The following COL16A1 variants were observed in gnomAD, a reference collection of about 807,000 sequenced individuals.
COL16A1 encodes collagen type XVI alpha 1 chain, also known as collagen alpha-1(XVI) chain.
A neutral mutation model predicts 266.3 loss-of-function variants in COL16A1; 189 were observed. The ratio of observed to expected loss-of-function variants is 0.71; its 90% confidence interval spans 0.63 to 0.80. The LOEUF (loss-of-function observed/expected upper bound fraction) is 0.80, where lower values mean the gene tolerates loss of function less well. Among genes scored for constraint, COL16A1 ranks in the 30% least tolerant of loss-of-function variants. The pLI is 0.00. For synonymous variants in COL16A1, 740 were observed against 782.3 expected (o/e 0.95, Z 0.90); for missense variants, 1,928 against 2,122.4 (o/e 0.91, Z 1.80).
rs963377508 is a variant in COL16A1 at position 31,670,854 on chromosome 1, G to A, written c.3151-208C>T. ...CAGGAAGAATGGCTCCTCCGTTGAC[G>A]GAGATGCGGAATGGCTCCAGAGTCA... On this transcript the variant is annotated intron_variant, in intron 48 of 70. Coordinates refer to ENST00000373672, the MANE Select transcript of COL16A1 (RefSeq NM_001856.4). The surrounding 1 kb of genome is among the most constrained non-coding windows in gnomAD (Gnocchi z 4.5). 5.9e-5 allele frequency among the ~76,000 whole-genome samples: 9 copies of A among 152,220 alleles called. No individual in the cohort carries two copies. Among genetic ancestry groups the A allele is most frequent in the Admixed American group, 1.3e-4 (2 of 15,288 alleles).
chr1:31,686,394 T>C (rs747086488), intron 26 of COL16A1, 115 bp from the exon 27 acceptor site: 1 of 1,391,918 alleles, frequency 7.2e-7, no homozygotes. Context: ...TACCCTCTCA[T>C]GTCCAGAGAG....
At chr1:31,660,558 GAC>G in intron 62 of COL16A1, 25 bp downstream of exon 62, 1 of 1,613,490 alleles carries the variant, frequency 6.2e-7, no homozygotes, top group South Asian at 1.1e-5. Context: ...CTCTTATGGA[GAC>G]AGAGACAAAA....
intron 42 of COL16A1, among the ~76,000 whole-genome samples, chr1:31,677,623 CT>C (rs1643299580): frequency 6.6e-6 from 1 of 152,230 alleles, no homozygotes; most frequent in African/African-American, 2.4e-5. Context: ...CAGCTTCCTC[CT>C]CTGTGGAATG....
At chr1:31,658,791 A>T in intron 63 of COL16A1, 123 bp downstream of exon 63, 1 of 1,240,570 alleles carries the variant, frequency 8.1e-7, no homozygotes, top group South Asian at 1.3e-5. Context: ...GGAGAGGCTG[A>T]CACCAGGGAA....
At position 31,679,692 on chromosome 1, in the gene COL16A1, G is replaced by A; in HGVS notation, c.2719-7C>T. 1 of 1,614,006 alleles carries A rather than the reference G, an allele frequency of 6.2e-7. No homozygotes were observed. Among genetic ancestry groups the A allele is most frequent in the Non-Finnish European group, 8.5e-7 (1 of 1,179,986 alleles). ...CGGGAATACCTGGTGGACCCTGAGG[G>A]AGAGAGAAAAGAGTCAGAGCCAGCA... On this transcript the variant is annotated splice_region_variant and splice_polypyrimidine_tract_variant and intron_variant, in intron 41 of 70. Coordinates refer to ENST00000373672, the MANE Select transcript of COL16A1 (RefSeq NM_001856.4).
chr1:31,680,900 C>A lies in COL16A1; in HGVS notation c.2610+5G>T, dbSNP rs776227189. The A allele has an allele frequency of 1.2e-6, 2 of 1,614,180 alleles. No homozygotes were observed. Among genetic ancestry groups the A allele is most frequent in the Non-Finnish European group, 1.7e-6 (2 of 1,180,034 alleles). The stretch of plus-strand genomic sequence containing the variant: ...GAATATGGGTCACAGGCCCTTGGAA[C>A]TCACCTTCTCTCCTCGTGGTCCTTT... On this transcript the variant is annotated splice_donor_5th_base_variant and intron_variant, in intron 39 of 70. Transcript: ENST00000373672.
Position 31,683,249 on chromosome 1 carries a change from T to C in COL16A1, c.2416-2A>G. On this transcript the variant is annotated splice_acceptor_variant, in intron 35 of 70. Coordinates refer to ENST00000373672, the MANE Select transcript of COL16A1 (RefSeq NM_001856.4). LOFTEE classifies it high-confidence loss of function. ...TGGTCCCCGAGGTCCCGGAAGTCCC[T>C]GCAGATGGAAGCACAGTTAGTTAAC... is the stretch of plus-strand genomic sequence containing the variant. The C allele has an allele frequency of 6.2e-7, 1 of 1,614,178 alleles. No homozygotes were observed. Among genetic ancestry groups the C allele is most frequent in the Non-Finnish European group, 8.5e-7 (1 of 1,180,014 alleles).
At chr1:31,662,138 T>C (rs530389517) in intron 58 of COL16A1, among the ~76,000 whole-genome samples, 196 bp downstream of exon 58, 1 of 152,130 alleles carries the variant, frequency 6.6e-6, no homozygotes, top group Non-Finnish European at 1.5e-5. Context: ...TTAAGGCCAC[T>C]AGGAGAACTG....
intron 22 of COL16A1, 91 bp from the exon 23 acceptor site, chr1:31,689,942 T>C (rs909537171): frequency 2.7e-6 from 3 of 1,100,342 alleles, no homozygotes; most frequent in Non-Finnish European, 4.1e-6. Context: ...CCCTAGACAT[T>C]GGGTCCACCA....
At chr1:31,703,057 C>T (rs751869879) in intron 1 of COL16A1, among the ~76,000 whole-genome samples, 4 of 152,156 alleles carry the variant, frequency 2.6e-5, no homozygotes, top group Admixed American at 6.5e-5. Flanking sequence ...CATGCAGATG[C>T]GCAGGTACAT....
rs746838525 is a variant in COL16A1, at chr1:31,699,831, G to A, written c.248C>T (p.Pro83Leu). Reference protein sequence around the residue: ...GPLILRLGAAPVTQPTRRVFP... With the variant: ...GPLILRLGAALVTQPTRRVFP... The stretch of plus-strand genomic sequence containing the variant: ...CATTTACCGCGTGGGCTGGGTCACG[G>A]GGGCCGCCCCCAGGCGCAGGATGAG... Residue 83 changes from proline (P) to leucine (L), a missense_variant, in exon 4 of 71, where the codon CCC becomes CTC. This residue lies in a region of COL16A1 where 1,552 missense variants were observed against 1,637.2 expected (regional missense o/e 0.95). Coordinates refer to ENST00000373672, the MANE Select transcript of COL16A1 (RefSeq NM_001856.4). The A allele has an allele frequency of 1.2e-6, 2 of 1,612,086 alleles. No individual in the cohort carries two copies. Among genetic ancestry groups the A allele is most frequent in the Non-Finnish European group, 1.7e-6 (2 of 1,178,300 alleles).
chr1:31,662,812 A>AT (rs1641813194), intron 56 of COL16A1, 154 bp from the exon 57 acceptor site: 1 of 717,590 alleles, frequency 1.4e-6, no homozygotes, highest in African/African-American at 1.8e-5. Flanking sequence ...GTCTAACTGC[A>AT]TATGTGCCAC....
chr1:31,669,789 G>C (rs765124565), intron 49 of COL16A1: 1 of 152,268 alleles, frequency 6.6e-6, no homozygotes, highest in Non-Finnish European at 1.5e-5. Context: ...CAACAATGAG[G>C]CTGGGGGTGA....
At chr1:31,658,107 G>T (rs997658348) in intron 64 of COL16A1, among the ~76,000 whole-genome samples, 2 of 152,230 alleles carry the variant, frequency 1.3e-5, no homozygotes, top group South Asian at 2.1e-4. Context: ...CCAAGTCCTG[G>T]TTTCCGAGGA....
Position 31,683,975 on chromosome 1 carries a change from C to T in COL16A1, c.2312G>A (p.Gly771Glu). ...PGQPGLPGVQ[G>E]PPGLKGVQGE... ...CTGCACGCCCTTCAGTCCTGGGGGC[C>T]CTTGAACTCCTGGTAGACCGGGTTG... The change falls in exon 33 of 71, where the codon GGG becomes GAG. Residue 771 changes from glycine to glutamate, a missense_variant. By Grantham distance (98) the Gly-to-Glu change is moderately conservative. Transcript: ENST00000373672. 1 of 1,614,198 alleles carries T rather than the reference C, an allele frequency of 6.2e-7. No homozygotes were observed. The highest frequency in any genetic ancestry group is 1.1e-5 in the South Asian group (1 of 91,082).
chr1:31,688,341 A>T lies in COL16A1; in HGVS notation c.1803+126T>A. 9.2e-7 allele frequency: 1 copy of T among 1,091,212 alleles called. No homozygotes were observed. The highest frequency in any genetic ancestry group is 1.4e-6 in the Non-Finnish European group (1 of 720,650). The allele number at this position is 1,091,212 out of a possible 1,614,324, so 67.6% of individuals were successfully genotyped here. A position where few individuals can be genotyped will look rare whatever the true frequency, so the allele number is the denominator to read the frequency against. On this transcript the variant is annotated intron_variant, in intron 26 of 70. Transcript: ENST00000373672. The surrounding 1 kb of genome is among the most constrained non-coding windows in gnomAD (Gnocchi z 4.9). Reference sequence around the variant, plus strand: ...CAAGTCTGCAAAACACTAGTAAATTAATTTCACTGTGAATTTACCGTCTGA... The same window carrying T: ...CAAGTCTGCAAAACACTAGTAAATTTATTTCACTGTGAATTTACCGTCTGA...
Position 31,658,972 on chromosome 1 carries a change from G to T in COL16A1, c.3880-8C>A. On this transcript the variant is annotated splice_polypyrimidine_tract_variant and splice_region_variant and intron_variant, in intron 62 of 70. Transcript: ENST00000373672. ...TGGAGGCCCTGGTGGCCCCTAAAGA[G>T]AGATGAGTCAGTGGGATAGAAACAG... The T allele has an allele frequency of 6.4e-7, 1 of 1,553,288 alleles. No individual in the cohort carries two copies. The highest frequency in any genetic ancestry group is 1.2e-5 in the South Asian group (1 of 84,102).
Position 31,668,313 on chromosome 1 carries a change from T to C in COL16A1, c.3250-95A>G, listed in dbSNP as rs1314725241. The C allele has an allele frequency of 7.4e-6, 10 of 1,351,096 alleles. No individual in the cohort carries two copies. The African/African-American group carries it at 1.3e-4, about 18-fold the overall frequency. 83.7% of individuals were successfully genotyped at this position (1,351,096 alleles called of 1,614,324 possible). A position where few individuals can be genotyped will look rare whatever the true frequency, so the allele number is the denominator to read the frequency against. ...TGGCCAAAGCTAAAACCTCTGGGGC[T>C]GCCATCTAGCAGGTGCCAGCCTGCC... On this transcript the variant is annotated intron_variant, in intron 50 of 70. Coordinates refer to ENST00000373672, the MANE Select transcript of COL16A1 (RefSeq NM_001856.4). The surrounding 1 kb of genome is among the most constrained non-coding windows in gnomAD (Gnocchi z 5.8).
In COL16A1 at chr1:31,683,355, G is replaced by A; in HGVS notation, c.2394C>T (p.Ala798=). Residue 798 remains alanine, a synonymous_variant, in exon 35 of 71, where the codon GCC becomes GCT. Transcript: ENST00000373672. Reference sequence around the variant, plus strand: ...GTACCTGAATGCCAGGCAAACCCGGGGCTCCAGGCTCCCCCTGCAAGTCAG... The same window carrying A: ...GTACCTGAATGCCAGGCAAACCCGGAGCTCCAGGCTCCCCCTGCAAGTCAG... ...GVQGPQGEPG[A]PGLPGIQGLP... 5.6e-6 allele frequency: 9 copies of A among 1,614,110 alleles called. No homozygotes were observed. The highest frequency in any genetic ancestry group is 6.8e-6 in the Non-Finnish European group (8 of 1,180,042).
Sources: gnomAD v4.1 joint callset for allele counts (sites outside exome capture counted in the v4.1 genomes callset) on GRCh38, gnomAD v4.1.1 for gene constraint, gnomAD v4.1.1 regional missense constraint, Gnocchi (gnomAD v3.1) non-coding constraint, MANE v1.5 for transcripts, NCBI Gene and HGNC (gene_info 2026-07-23, HGNC 2026-07-21) for gene names.